The following CDKAL1 variants were observed in gnomAD, a reference collection of about 807,000 sequenced individuals.
CDKAL1 encodes CDKAL1 threonylcarbamoyladenosine tRNA methylthiotransferase.
In CDKAL1, 32 loss-of-function variants were observed where a neutral mutation model predicts 68.2. The observed-to-expected ratio is 0.47, with a 90% CI of 0.35 to 0.63. The LOEUF (loss-of-function observed/expected upper bound fraction) is 0.63, where lower values mean the gene tolerates loss of function less well. Ranked by LOEUF, CDKAL1 falls within the 30% of genes least tolerant of loss-of-function variation. The pLI is 0.00. For synonymous variants in CDKAL1, 234 were observed against 244.3 expected, an observed-to-expected ratio of 0.96 and a Z score of 0.39; for missense variants, 606 against 696.7, an observed-to-expected ratio of 0.87 and a Z score of 1.47.
chr6:20,730,770 G>C (rs1039135161), intron 5 of CDKAL1, among the ~76,000 whole-genome samples: 2 of 151,796 alleles, frequency 1.3e-5, no homozygotes, highest in African/African-American at 4.8e-5. Flanking sequence ...CTTGAACCCG[G>C]GAGGTGGAGG....
Position 21,148,826 on chromosome 6 carries a change from A to C in CDKAL1, c.1299+40363A>C, listed in dbSNP as rs556903927. On this transcript the variant is annotated intron_variant, in intron 13 of 15. Coordinates refer to ENST00000274695, the MANE Select transcript of CDKAL1 (RefSeq NM_017774.3). ...AAGACACAAGGCAAACTGTAGACTA[A>C]TTCACCAAAAATAAGTACACATACT... is the stretch of plus-strand genomic sequence containing the variant. Among the ~76,000 whole-genome samples, 21 of 152,324 alleles carry C rather than the reference A, an allele frequency of 1.4e-4. No individual in the cohort carries two copies. The East Asian group carries it at 4.0e-3, about 29-fold the overall frequency.
At chr6:21,034,646 T>C (rs767548731) in intron 11 of CDKAL1, among the ~76,000 whole-genome samples, 159 of 152,308 alleles carry the variant, frequency 1.0e-3, no homozygotes, top group South Asian at 2.1e-3. Flanking sequence ...AAACATTTTT[T>C]CTGTTAAATC....
chr6:21,071,870 T>C (rs569098581), intron 12 of CDKAL1, among the ~76,000 whole-genome samples: 8 of 152,220 alleles, frequency 5.3e-5, no homozygotes, highest in Non-Finnish European at 8.8e-5. Flanking sequence ...TGCAGCCAGT[T>C]GTGTGCTAGT....
Position 21,003,388 on chromosome 6 carries a change from A to ACACACACACACACACACAC in CDKAL1, c.1055+3018_1055+3019insCACACACACACACACACCA, listed in dbSNP as rs1461106020. Among the ~76,000 whole-genome samples, 3 of 131,300 alleles carry ACACACACACACACACACAC rather than the reference A, an allele frequency of 2.3e-5. 1 individual carries two copies. The highest frequency in any genetic ancestry group is 8.8e-5 in the African/African-American group (3 of 33,984). The allele number at this position is 131,300 out of a possible 152,430, so 86.1% of individuals were successfully genotyped here. A position where few individuals can be genotyped will look rare whatever the true frequency, so the allele number is the denominator to read the frequency against. ...TATATATATACACACACACACACAC[A>ACACACACACACACACACAC]CATATATACACACATACCTACACAA... On this transcript the variant is annotated intron_variant, in intron 11 of 15. Coordinates refer to ENST00000274695, the MANE Select transcript of CDKAL1 (RefSeq NM_017774.3).
intron 11 of CDKAL1, among the ~76,000 whole-genome samples, chr6:21,011,317 G>C (rs765371554): frequency 4.6e-5 from 7 of 152,006 alleles, no homozygotes; most frequent in Non-Finnish European, 1.0e-4. Flanking sequence ...CCGGGAGGCA[G>C]AGCTGGCAGT....
At chr6:21,037,836 A>T (rs1769677089) in intron 11 of CDKAL1, among the ~76,000 whole-genome samples, 1 of 152,234 alleles carries the variant, frequency 6.6e-6, no homozygotes, top group Admixed American at 6.5e-5. Context: ...TAAATGTGTC[A>T]CATAAATATT....
intron 5 of CDKAL1, among the ~76,000 whole-genome samples, chr6:20,671,783 A>G (rs1335366340): frequency 1.3e-4 from 19 of 151,882 alleles, no homozygotes; most frequent in Non-Finnish European, 2.6e-4. Flanking sequence ...GCTGGATTGC[A>G]GTGGCTGTTC....
At chr6:21,077,104 TATTAGACA>T (rs1272859557) in intron 12 of CDKAL1, among the ~76,000 whole-genome samples, 3 of 151,262 alleles carry the variant, frequency 2.0e-5, no homozygotes, top group Admixed American at 6.6e-5. Context: ...TTGATTTTTC[TATTAGACA>T]ATTTTAAGGC....
intron 4 of CDKAL1, among the ~76,000 whole-genome samples, chr6:20,598,151 G>A (rs1452956999): frequency 6.6e-6 from 1 of 152,186 alleles, no homozygotes; most frequent in Admixed American, 6.5e-5. Context: ...TGGCATGGGA[G>A]CCACGGAAAG....
intron 9 of CDKAL1, among the ~76,000 whole-genome samples, chr6:20,944,438 C>G (rs9465943): frequency 0.094 from 14,332 of 152,260 alleles, 717 homozygotes; most frequent in South Asian, 0.13. Flanking sequence ...ACCTCCACCT[C>G]CCAGTTCAAG....
At chr6:20,824,131 G>A (rs760130829) in intron 8 of CDKAL1, among the ~76,000 whole-genome samples, 33 of 152,108 alleles carry the variant, frequency 2.2e-4, no homozygotes, top group Non-Finnish European at 3.1e-4. Context: ...TCTTGCTACC[G>A]CTGCTTCTAC....
At chr6:20,804,673 G>A (rs1254489805) in intron 8 of CDKAL1, among the ~76,000 whole-genome samples, 1 of 152,138 alleles carries the variant, frequency 6.6e-6, no homozygotes, top group East Asian at 1.9e-4. Flanking sequence ...GCAGCAGACA[G>A]TATCTATGAT....
At chr6:21,104,845 A>G (rs1015216790) in intron 12 of CDKAL1, among the ~76,000 whole-genome samples, 2 of 152,252 alleles carry the variant, frequency 1.3e-5, no homozygotes, top group African/African-American at 4.8e-5. Context: ...TATAAGTGTT[A>G]GCTATCAAAG....
At chr6:20,689,819 CT>C (rs1204164422) in intron 5 of CDKAL1, among the ~76,000 whole-genome samples, 1 of 152,118 alleles carries the variant, frequency 6.6e-6, no homozygotes, top group African/African-American at 2.4e-5. Context: ...CCATTTACCC[CT>C]CCCTGCAAAA....
chr6:20,947,881 T>C (rs188260799), intron 9 of CDKAL1, among the ~76,000 whole-genome samples: 1 of 152,306 alleles, frequency 6.6e-6, no homozygotes, highest in African/African-American at 2.4e-5. Flanking sequence ...CGTCATAAAG[T>C]TGAAAAATCC....
At chr6:21,187,861 A>G (rs1243071040) in intron 13 of CDKAL1, among the ~76,000 whole-genome samples, 1 of 152,138 alleles carries the variant, frequency 6.6e-6, no homozygotes, top group Non-Finnish European at 1.5e-5. Flanking sequence ...TCACTTATGT[A>G]CCTTTTGGGG....
chr6:21,049,351 T>C (rs2150908369), intron 11 of CDKAL1, among the ~76,000 whole-genome samples: 1 of 152,342 alleles, frequency 6.6e-6, no homozygotes, highest in African/African-American at 2.4e-5. Flanking sequence ...CATTACTGAA[T>C]TCAGCTTCAT....
At chr6:20,598,484 A>G (rs1765937638) in intron 4 of CDKAL1, among the ~76,000 whole-genome samples, 1 of 152,168 alleles carries the variant, frequency 6.6e-6, no homozygotes, top group Admixed American at 6.5e-5. Flanking sequence ...GAAGTATGGC[A>G]TACGATACAT....
At chr6:20,972,935 A>G (rs1187586309) in intron 10 of CDKAL1, among the ~76,000 whole-genome samples, 1 of 152,164 alleles carries the variant, frequency 6.6e-6, no homozygotes, top group East Asian at 1.9e-4. Flanking sequence ...ATAACATATC[A>G]CTAGTGCTTT....
Sources: gnomAD v4.1 joint callset for allele counts (sites outside exome capture counted in the v4.1 genomes callset) on GRCh38, gnomAD v4.1.1 for gene constraint, MANE v1.5 for transcripts, NCBI Gene and HGNC (gene_info 2026-07-23, HGNC 2026-07-21) for gene names.